LRRFIP1: variants seen among roughly 807,000 people sequenced by gnomAD.
LRRFIP1 encodes leucine-rich repeat flightless-interacting protein 1.
LRRFIP1 carries 62 observed loss-of-function variants against 104.4 expected under a neutral mutation model. That is an observed-to-expected ratio of 0.59 (90% CI 0.48 to 0.73). The LOEUF is 0.73. Among genes scored for constraint, LRRFIP1 ranks in the 30% least tolerant of loss-of-function variants. LRRFIP1 has a pLI of 0.00. For synonymous variants in LRRFIP1, 300 were observed against 299.0 expected (o/e 1.00, Z -0.03); for missense variants, 796 against 824.5 (o/e 0.97, Z 0.42).
At chr2:237,710,658 A>G (rs2094029094) in intron 2 of LRRFIP1, among the ~76,000 whole-genome samples, 1 of 152,244 alleles carries the variant, frequency 6.6e-6, no homozygotes. Flanking sequence ...TTAAACATAT[A>G]CATATTGATA....
At chr2:237,700,805 G>T (rs1028817627) in intron 1 of LRRFIP1, among the ~76,000 whole-genome samples, 13 of 152,190 alleles carry the variant, frequency 8.5e-5, no homozygotes, top group Non-Finnish European at 1.6e-4. Flanking sequence ...GGGCTCTGCG[G>T]GGGGAGGTGG....
intron 1 of LRRFIP1, among the ~76,000 whole-genome samples, chr2:237,670,251 A>T (rs557829103): frequency 6.6e-6 from 1 of 152,346 alleles, no homozygotes; most frequent in East Asian, 1.9e-4. Flanking sequence ...CAGTGCCCCG[A>T]CACCTCGGTG....
At chr2:237,722,173 G>A (rs2094559048) in intron 6 of LRRFIP1, 1 of 152,072 alleles carries the variant, frequency 6.6e-6, no homozygotes, top group Admixed American at 6.5e-5. Context: ...ACTTTGGCAG[G>A]AGAACTTTTA....
intron 11 of LRRFIP1, among the ~76,000 whole-genome samples, chr2:237,745,151 G>A (rs936934945): frequency 2.0e-5 from 3 of 152,214 alleles, no homozygotes; most frequent in African/African-American, 7.2e-5. Context: ...TGCTGCCTGC[G>A]GCTTCTGTCC....
At chr2:237,753,221 C>T (rs1576272620) in intron 14 of LRRFIP1, 88 bp from the exon 15 acceptor site, 2 of 1,003,236 alleles carry the variant, frequency 2.0e-6, no homozygotes, top group East Asian at 5.6e-5. Context: ...AAGTTTAGGA[C>T]TGAGGGTTTT....
At chr2:237,742,140 A>C (rs182416285) in intron 11 of LRRFIP1, among the ~76,000 whole-genome samples, 2 of 152,360 alleles carry the variant, frequency 1.3e-5, no homozygotes, top group Admixed American at 1.3e-4. Flanking sequence ...GTGTTTTCTA[A>C]ATTTGTATAA....
chr2:237,729,505 AG>A (rs2094911049), intron 8 of LRRFIP1, among the ~76,000 whole-genome samples: 1 of 152,188 alleles, frequency 6.6e-6, no homozygotes, highest in Non-Finnish European at 1.5e-5. Flanking sequence ...GAATCGTGCT[AG>A]GGATATGAGA....
chr2:237,746,579 C>T (rs1422978734), intron 11 of LRRFIP1, among the ~76,000 whole-genome samples: 1 of 152,132 alleles, frequency 6.6e-6, no homozygotes, highest in Non-Finnish European at 1.5e-5. Context: ...TGCCTTGGTG[C>T]CTCCAAGTAC....
intron 19 of LRRFIP1, chr2:237,764,216 G>A: frequency 6.2e-7 from 1 of 1,613,234 alleles, no homozygotes. Context: ...GCCAATGTAA[G>A]TAGAATGTTC....
intron 1 of LRRFIP1, among the ~76,000 whole-genome samples, chr2:237,647,215 C>T (rs1159234377): frequency 6.6e-6 from 1 of 151,996 alleles, no homozygotes; most frequent in Non-Finnish European, 1.5e-5. Context: ...CATAGGCCTA[C>T]AGTGACCACA....
At position 237,720,056 on chromosome 2, in the gene LRRFIP1, C is replaced by T. The variant is rs114816769; in HGVS notation, c.294+489C>T. Among the ~76,000 whole-genome samples, 1,316 of 148,612 alleles carry T rather than the reference C, an allele frequency of 8.9e-3. 18 individuals carry two copies. Among genetic ancestry groups the T allele is most frequent in the African/African-American group, 0.03 (1,224 of 40,236 alleles). On this transcript the variant is annotated intron_variant, in intron 5 of 23. Coordinates refer to ENST00000308482, the MANE Select transcript of LRRFIP1 (RefSeq NM_001137550.2). ...TCCACCTCCCAGGTTCAACAATTCT[C>T]GTGTCTCAGCCTCCCAAGTAGCTGG...
chr2:237,666,801 T>C (rs114838800), intron 1 of LRRFIP1, among the ~76,000 whole-genome samples: 47 of 21,098 alleles, frequency 2.2e-3, no homozygotes, highest in South Asian at 9.4e-3. Flanking sequence ...CTCTTTCTCT[T>C]TCTTTCTCTT....
chr2:237,758,330 C>A (rs555153483), intron 17 of LRRFIP1, among the ~76,000 whole-genome samples: 2 of 152,114 alleles, frequency 1.3e-5, no homozygotes, highest in Non-Finnish European at 2.9e-5. Context: ...GTCTAAATGG[C>A]TACAACAGCC....
chr2:237,737,529 T>C (rs1259376223), intron 10 of LRRFIP1, among the ~76,000 whole-genome samples: 1 of 152,208 alleles, frequency 6.6e-6, no homozygotes, highest in Non-Finnish European at 1.5e-5. Context: ...CTGCTTTTGC[T>C]TAGGGAAGCT....
At chr2:237,752,686 G>A (rs758677325) in intron 14 of LRRFIP1, among the ~76,000 whole-genome samples, 11 of 152,234 alleles carry the variant, frequency 7.2e-5, no homozygotes, top group South Asian at 2.1e-4. Context: ...ATCGCCATGC[G>A]TATTTTACAG....
At chr2:237,692,193 C>A (rs1402047279) in intron 1 of LRRFIP1, 1 of 1,050,666 alleles carries the variant, frequency 9.5e-7, no homozygotes, top group Non-Finnish European at 1.1e-6. Context: ...GCCCGAGTCC[C>A]GCTTCCCCGG....
intron 2 of LRRFIP1, among the ~76,000 whole-genome samples, chr2:237,710,128 T>G (rs2093999659): frequency 1.3e-5 from 2 of 152,152 alleles, no homozygotes; most frequent in African/African-American, 4.8e-5. Flanking sequence ...CCCAAAGTGC[T>G]AGGATTACAG....
At chr2:237,672,416 C>T (rs1314622554) in intron 1 of LRRFIP1, among the ~76,000 whole-genome samples, 1 of 152,140 alleles carries the variant, frequency 6.6e-6, no homozygotes, top group African/African-American at 2.4e-5. Flanking sequence ...AAATAGTAGA[C>T]AGTATATAGC....
intron 1 of LRRFIP1, among the ~76,000 whole-genome samples, chr2:237,704,961 G>T (rs1460832466): frequency 1.3e-5 from 2 of 152,208 alleles, no homozygotes; most frequent in African/African-American, 4.8e-5. Flanking sequence ...TGAGGGACAG[G>T]GTAAACCTGT....
Sources: allele counts gnomAD v4.1 joint callset (sites outside exome capture counted in the v4.1 genomes callset), GRCh38; gene constraint gnomAD v4.1.1; transcripts MANE v1.5; gene names NCBI Gene and HGNC (gene_info 2026-07-23, HGNC 2026-07-21).